The following TASP1 variants were observed in gnomAD, a reference collection of about 807,000 sequenced individuals.
TASP1 encodes the protein taspase 1, also known as threonine aspartase 1.
TASP1 carries 16 observed loss-of-function variants against 56.6 expected under a neutral mutation model. The ratio of observed to expected loss-of-function variants is 0.28; its 90% CI spans 0.19 to 0.43. TASP1 has a LOEUF of 0.43. Among genes scored for constraint, TASP1 ranks in the 20% least tolerant of loss-of-function variants. The pLI is 1.00. For synonymous variants in TASP1, 179 were observed against 184.2 expected (o/e 0.97, Z 0.23); for missense variants, 393 against 511.6 (o/e 0.77, Z 2.24).
the TASP1 span, among the ~76,000 whole-genome samples, chr20:13,194,519 G>C: frequency 1.3e-5 from 2 of 150,958 alleles, no homozygotes; most frequent in Non-Finnish European, 2.9e-5. Context: ...GGTTGATCCA[G>C]TGAGTCAATA....
chr20:13,277,144 A>G, the TASP1 span, among the ~76,000 whole-genome samples: 5 of 150,484 alleles, frequency 3.3e-5, no homozygotes, highest in Non-Finnish European at 7.4e-5. Flanking sequence ...CAGTTTGGAG[A>G]AAAAAAAAAT....
At chr20:13,282,377 T>C in the TASP1 span, among the ~76,000 whole-genome samples, 7 of 152,358 alleles carry the variant, frequency 4.6e-5, no homozygotes, top group East Asian at 1.2e-3. Context: ...GGTCACCAGA[T>C]GATTCTCTTG....
chr20:13,270,558 A>C, the TASP1 span: 6 of 1,613,906 alleles, frequency 3.7e-6, no homozygotes, highest in Non-Finnish European at 4.2e-6. Context: ...TTCTCTCTCC[A>C]AAGAAGCACC....
chr20:13,320,928 G>A, the TASP1 span, among the ~76,000 whole-genome samples: 2 of 152,160 alleles, frequency 1.3e-5, no homozygotes, highest in Admixed American at 6.5e-5. Flanking sequence ...GCAGAGCACA[G>A]TGGCTCATAC....
At chr20:13,398,907 C>T (rs956772510) in intron 13 of TASP1, among the ~76,000 whole-genome samples, 45 of 152,142 alleles carry the variant, frequency 3.0e-4, no homozygotes, top group African/African-American at 9.7e-4. Flanking sequence ...CACCTATTAC[C>T]TCAAATTCTT....
intron 4 of TASP1, among the ~76,000 whole-genome samples, chr20:13,591,560 C>T (rs958483061): frequency 1.6e-4 from 24 of 152,036 alleles, no homozygotes; most frequent in Non-Finnish European, 3.4e-4. Context: ...CACCAGCAAA[C>T]CTACACTATA....
At chr20:13,204,867 A>G in the TASP1 span, among the ~76,000 whole-genome samples, 2 of 152,132 alleles carry the variant, frequency 1.3e-5, no homozygotes, top group African/African-American at 2.4e-5. Context: ...GGAAGGAGGA[A>G]CACAACAGAC....
chr20:13,632,008 C>T lies in TASP1; in HGVS notation c.-74-1856G>A, dbSNP rs112582144. 8.4e-3 allele frequency among the ~76,000 whole-genome samples: 1,280 copies of T among 151,764 alleles called. 21 individuals carry two copies. The highest frequency in any genetic ancestry group is 0.029 in the African/African-American group (1,206 of 41,370). ...TGGAGGTTGCCTTGAGCTGCGATCG[C>T]GCCACTGCACTCCAGCCTGGGCGAC... On this transcript the variant is annotated intron_variant, in intron 1 of 13. Coordinates refer to ENST00000337743, the MANE Select transcript of TASP1 (RefSeq NM_017714.3).
intron 5 of TASP1, among the ~76,000 whole-genome samples, chr20:13,584,594 A>G (rs903662313): frequency 1.3e-5 from 2 of 152,242 alleles, no homozygotes; most frequent in African/African-American, 4.8e-5. Context: ...AGTGACACAC[A>G]CAGAGCACTG....
the TASP1 span, chr20:13,222,029 G>A: frequency 2.9e-6 from 3 of 1,032,766 alleles, no homozygotes; most frequent in Non-Finnish European, 3.8e-6. Context: ...CCACCTAAGA[G>A]CAACTGTTTT....
At chr20:13,348,064 G>C in the TASP1 span, among the ~76,000 whole-genome samples, 1 of 152,152 alleles carries the variant, frequency 6.6e-6, no homozygotes, top group Admixed American at 6.5e-5. Flanking sequence ...AACAGGATTA[G>C]GGATTGAGGA....
At chr20:13,314,699 A>G in the TASP1 span, among the ~76,000 whole-genome samples, 1 of 152,172 alleles carries the variant, frequency 6.6e-6, no homozygotes, top group Non-Finnish European at 1.5e-5. Flanking sequence ...GAGGAGAATC[A>G]GAAAAGGAAT....
the TASP1 span, among the ~76,000 whole-genome samples, chr20:13,225,049 T>G: frequency 2.6e-5 from 4 of 150,950 alleles, no homozygotes; most frequent in Non-Finnish European, 5.9e-5. Context: ...GAGACGGGGT[T>G]TCACCGTGTT....
At chr20:13,326,532 A>AC in the TASP1 span, among the ~76,000 whole-genome samples, 1 of 151,680 alleles carries the variant, frequency 6.6e-6, no homozygotes, top group Non-Finnish European at 1.5e-5. Flanking sequence ...CTTGGTATGA[A>AC]TTTTTTTTAT....
the TASP1 span, among the ~76,000 whole-genome samples, chr20:13,348,528 C>T: frequency 2.0e-5 from 3 of 152,152 alleles, no homozygotes; most frequent in Non-Finnish European, 4.4e-5. Flanking sequence ...CAAGGCAACC[C>T]GTGCCTAGAG....
At chr20:13,636,621 T>C (rs1274200024) in intron 1 of TASP1, among the ~76,000 whole-genome samples, 1 of 152,232 alleles carries the variant, frequency 6.6e-6, no homozygotes, top group Non-Finnish European at 1.5e-5. Context: ...TTTTATACCA[T>C]GTTTAACACA....
chr20:13,627,447 T>C (rs921564082), intron 2 of TASP1, among the ~76,000 whole-genome samples: 3 of 152,148 alleles, frequency 2.0e-5, no homozygotes, highest in Non-Finnish European at 2.9e-5. Flanking sequence ...AATTAAATAA[T>C]TCAAAGTTAA....
At chr20:13,132,428 C>T in the TASP1 span, among the ~76,000 whole-genome samples, 9 of 152,028 alleles carry the variant, frequency 5.9e-5, no homozygotes, top group Non-Finnish European at 8.8e-5. Flanking sequence ...CCACCCACCT[C>T]GGCCTCCCAA....
chr20:13,209,770 G>A, the TASP1 span, among the ~76,000 whole-genome samples: 1 of 152,164 alleles, frequency 6.6e-6, no homozygotes, highest in Non-Finnish European at 1.5e-5. Flanking sequence ...GCATTTTTTA[G>A]AATGTATGAG....
Sources: gnomAD v4.1 joint callset for allele counts (sites outside exome capture counted in the v4.1 genomes callset) on GRCh38, gnomAD v4.1.1 for gene constraint, MANE v1.5 for transcripts, NCBI Gene and HGNC (gene_info 2026-07-23, HGNC 2026-07-21) for gene names.